GRIN2A: variants seen among roughly 807,000 people sequenced by gnomAD.
GRIN2A encodes glutamate ionotropic receptor NMDA type subunit 2A, also known as glutamate receptor ionotropic, NMDA 2A.
In GRIN2A, 22 loss-of-function variants were observed where a neutral mutation model predicts 113.4. The observed-to-expected ratio is 0.19, with a 90% CI of 0.14 to 0.28. GRIN2A has a LOEUF of 0.28. GRIN2A is among the 10% of genes least tolerant of loss of function. GRIN2A has a pLI of 1.00. For synonymous variants in GRIN2A, 827 were observed against 738.4 expected (o/e 1.12, Z -1.94); for missense variants, 1,502 against 1,887.0 (o/e 0.80, Z 3.78).
intron 2 of GRIN2A, among the ~76,000 whole-genome samples, chr16:10,090,363 G>C (rs146769047): frequency 0.014 from 2,163 of 152,210 alleles, 208 homozygotes; most frequent in Admixed American, 0.13. Context: ...GAACAAAACT[G>C]AACGTTTAGA....
intron 3 of GRIN2A, among the ~76,000 whole-genome samples, chr16:9,901,911 C>A (rs1053442034): frequency 6.6e-6 from 1 of 152,180 alleles, no homozygotes; most frequent in African/African-American, 2.4e-5. Context: ...TAAGAGCGAT[C>A]ACTTAAGGAT....
At chr16:10,047,977 C>T (rs541978923) in intron 2 of GRIN2A, among the ~76,000 whole-genome samples, 1 of 152,274 alleles carries the variant, frequency 6.6e-6, no homozygotes, top group African/African-American at 2.4e-5. Flanking sequence ...GCCTGTGACC[C>T]CCCTACATGT....
chr16:10,064,381 G>A lies in GRIN2A; in HGVS notation c.414+115617C>T, dbSNP rs77295229. ...TCTAACCTCATCTTCACTCCCTGGGGACTGAGGTCTTGCCTGATTCCCAAA... is the reference window on the plus strand; with the variant it reads ...TCTAACCTCATCTTCACTCCCTGGGAACTGAGGTCTTGCCTGATTCCCAAA... On this transcript the variant is annotated intron_variant, in intron 2 of 12. Coordinates refer to ENST00000330684, the MANE Select transcript of GRIN2A (RefSeq NM_001134407.3). Among the ~76,000 whole-genome samples, 70 of 152,272 alleles carry A rather than the reference G, an allele frequency of 4.6e-4. 1 individual carries two copies. The East Asian group carries it at 0.013, about 28-fold the overall frequency.
chr16:10,090,548 A>T (rs2048166718), intron 2 of GRIN2A, among the ~76,000 whole-genome samples: 1 of 152,284 alleles, frequency 6.6e-6, no homozygotes, highest in South Asian at 2.1e-4. Context: ...TAGATCTTAG[A>T]CCTAAATATA....
chr16:10,050,833 A>T (rs928351282), intron 2 of GRIN2A, among the ~76,000 whole-genome samples: 2 of 152,152 alleles, frequency 1.3e-5, no homozygotes, highest in Admixed American at 6.6e-5. Context: ...CTGAGAGTTT[A>T]CAGAGGAGCA....
At chr16:10,103,993 G>C (rs1393872196) in intron 2 of GRIN2A, among the ~76,000 whole-genome samples, 1 of 152,152 alleles carries the variant, frequency 6.6e-6, no homozygotes, top group Non-Finnish European at 1.5e-5. Flanking sequence ...CCTTAGTCAT[G>C]TTCCTTTTAA....
At chr16:10,135,846 T>G (rs2049180668) in intron 2 of GRIN2A, among the ~76,000 whole-genome samples, 1 of 152,124 alleles carries the variant, frequency 6.6e-6, no homozygotes, top group Non-Finnish European at 1.5e-5. Flanking sequence ...AGTCAACTGA[T>G]TATAAGCTTT....
At chr16:9,785,870 T>C (rs1022647106) in intron 11 of GRIN2A, among the ~76,000 whole-genome samples, 4 of 152,170 alleles carry the variant, frequency 2.6e-5, no homozygotes, top group African/African-American at 9.7e-5. Flanking sequence ...GCAAGGGCAA[T>C]AGAGCAGGAG....
rs1336683227 is a variant in GRIN2A, at chr16:9,761,699, C to T, written c.*1450G>A. 4.4e-6 allele frequency: 1 copy of T among 225,688 alleles called. No individual in the cohort carries two copies. Among genetic ancestry groups the T allele is most frequent in the Non-Finnish European group, 8.8e-6 (1 of 113,462 alleles). The allele number at this position is 225,688 out of a possible 1,614,324, so 14.0% of individuals were successfully genotyped here. A position where few individuals can be genotyped will look rare whatever the true frequency, so the allele number is the denominator to read the frequency against. On this transcript the variant is annotated 3_prime_UTR_variant, in exon 13 of 13. Coordinates refer to ENST00000330684, the MANE Select transcript of GRIN2A (RefSeq NM_001134407.3). ...CAGGCTCCCCATGCATAAGTATTCC[C>T]CTCTCTGTCTCTAACTTAAAAAAAA...
At chr16:9,962,833 GC>G (rs2045469892) in intron 2 of GRIN2A, among the ~76,000 whole-genome samples, 1 of 152,064 alleles carries the variant, frequency 6.6e-6, no homozygotes, top group African/African-American at 2.4e-5. Context: ...TATGTTTACT[GC>G]GGCACTATTC....
intron 2 of GRIN2A, chr16:10,111,402 T>TGGC (rs1018285194): frequency 4.3e-5 from 22 of 506,642 alleles, no homozygotes; most frequent in Non-Finnish European, 8.0e-5. Flanking sequence ...ATCTGATCAG[T>TGGC]GGCGGCACCG....
At chr16:9,986,764 C>CA (rs3065539) in intron 2 of GRIN2A, among the ~76,000 whole-genome samples, 3,975 of 111,950 alleles carry the variant, frequency 0.036, 76 homozygotes, top group African/African-American at 0.066. Context: ...GACGCTGTCT[C>CA]AAAAAAAAAA....
At chr16:10,058,111 T>C (rs1360819727) in intron 2 of GRIN2A, among the ~76,000 whole-genome samples, 2 of 151,752 alleles carry the variant, frequency 1.3e-5, no homozygotes, top group Non-Finnish European at 2.9e-5. Flanking sequence ...AAAAATCAGC[T>C]GGGCGTGGTG....
At chr16:10,121,498 T>A (rs765624319) in intron 2 of GRIN2A, 12 of 152,060 alleles carry the variant, frequency 7.9e-5, no homozygotes, top group Non-Finnish European at 1.6e-4. Flanking sequence ...AGCCCACACA[T>A]CTTTCTCTGT....
intron 2 of GRIN2A, among the ~76,000 whole-genome samples, chr16:9,975,100 T>C (rs1048342943): frequency 2.6e-5 from 4 of 152,322 alleles, no homozygotes; most frequent in African/African-American, 9.6e-5. Context: ...ATTTTCTGCA[T>C]CTATTAAGAT....
chr16:9,970,801 A>C (rs940189231), intron 2 of GRIN2A: 1 of 789,862 alleles, frequency 1.3e-6, no homozygotes, highest in Non-Finnish European at 1.5e-6. Context: ...TATATCAAAT[A>C]TAGTTCCTTC....
intron 2 of GRIN2A, among the ~76,000 whole-genome samples, chr16:10,161,755 A>G (rs1193522839): frequency 1.3e-5 from 2 of 152,136 alleles, no homozygotes; most frequent in African/African-American, 4.8e-5. Flanking sequence ...GAGGCCCTAG[A>G]GGAGGACCTA....
intron 2 of GRIN2A, among the ~76,000 whole-genome samples, chr16:10,081,067 T>G (rs1455486951): frequency 6.6e-6 from 1 of 152,198 alleles, no homozygotes; most frequent in Non-Finnish European, 1.5e-5. Context: ...GAGTCCCAAC[T>G]GCAGAAGAGA....
intron 11 of GRIN2A, among the ~76,000 whole-genome samples, chr16:9,795,749 T>A (rs549787309): frequency 6.6e-6 from 1 of 152,334 alleles, no homozygotes; most frequent in African/African-American, 2.4e-5. Flanking sequence ...CTTTCACAGA[T>A]GAATAAACCG....
Sources: allele counts gnomAD v4.1 joint callset (sites outside exome capture counted in the v4.1 genomes callset), GRCh38; gene constraint gnomAD v4.1.1; transcripts MANE v1.5; gene names NCBI Gene and HGNC (gene_info 2026-07-23, HGNC 2026-07-21).